Variants in KSR2 observed in about 807,000 individuals in gnomAD.
The protein encoded by KSR2 is kinase suppressor of ras 2.
Under a neutral mutation model 107.8 loss-of-function variants are expected in KSR2, and 25 were observed. The ratio of observed to expected loss-of-function variants is 0.23; its 90% CI spans 0.17 to 0.32. The LOEUF (loss-of-function observed/expected upper bound fraction) is 0.32, where lower values mean the gene tolerates loss of function less well. Among genes scored for constraint, KSR2 ranks in the 10% least tolerant of loss-of-function variants. KSR2 has a pLI of 1.00. For missense variants in KSR2, 887 were observed against 1,268.9 expected, an observed-to-expected ratio of 0.70 and a Z score of 4.57; for synonymous variants, 480 against 507.0, an observed-to-expected ratio of 0.95 and a Z score of 0.71.
At chr12:117,661,619 CCAGCCTGCAGAA>C (rs1427660974) in intron 5 of KSR2, among the ~76,000 whole-genome samples, 2 of 152,132 alleles carry the variant, frequency 1.3e-5, no homozygotes, top group Non-Finnish European at 2.9e-5. Context: ...TTCTGAAATG[CCAGCCTGCAGAA>C]CTCCCTGGAG....
At chr12:117,886,944 G>C (rs937482663) in intron 1 of KSR2, among the ~76,000 whole-genome samples, 1 of 151,972 alleles carries the variant, frequency 6.6e-6, no homozygotes, top group Non-Finnish European at 1.5e-5. Flanking sequence ...ATTTTTTTGA[G>C]ACAGAGTCTT....
At chr12:117,755,657 A>G (rs1888764251) in intron 4 of KSR2, among the ~76,000 whole-genome samples, 1 of 152,230 alleles carries the variant, frequency 6.6e-6, no homozygotes, top group African/African-American at 2.4e-5. Context: ...ACCCAACAAT[A>G]GCCTCTAAGC....
intron 9 of KSR2, among the ~76,000 whole-genome samples, chr12:117,544,293 G>A (rs931669264): frequency 6.6e-6 from 1 of 152,018 alleles, no homozygotes; most frequent in Non-Finnish European, 1.5e-5. Flanking sequence ...TCTAATTTAG[G>A]TTTCCATATG....
At chr12:117,685,627 A>T (rs937583078) in intron 4 of KSR2, among the ~76,000 whole-genome samples, 19 of 152,216 alleles carry the variant, frequency 1.2e-4, no homozygotes, top group African/African-American at 4.6e-4. Flanking sequence ...ACAGGGAGTC[A>T]TTTGACTCAC....
At chr12:117,601,974 G>A (rs1017856551) in intron 5 of KSR2, among the ~76,000 whole-genome samples, 2 of 152,146 alleles carry the variant, frequency 1.3e-5, no homozygotes, top group African/African-American at 2.4e-5. Context: ...TACAGTCTCC[G>A]TCCCAACTAT....
In KSR2 at chr12:117,842,034, T is replaced by C. The variant is rs1439902201; in HGVS notation, c.472+13394A>G. Among the ~76,000 whole-genome samples, 1 of 152,168 alleles carries C rather than the reference T, an allele frequency of 6.6e-6. No homozygotes were observed. The highest frequency in any genetic ancestry group is 2.1e-4 in the South Asian group (1 of 4,816). On this transcript the variant is annotated intron_variant, in intron 3 of 19. Coordinates refer to ENST00000339824, the MANE Select transcript of KSR2 (RefSeq NM_173598.6). The surrounding 1 kb of genome is among the most constrained non-coding windows in gnomAD (Gnocchi z 4.2). ...TGCAGGGAGAATTCCAACACAGGGGTTCTCAAAGCGTGTTCCCCAAACCAG... is the reference window on the plus strand; with the variant it reads ...TGCAGGGAGAATTCCAACACAGGGGCTCTCAAAGCGTGTTCCCCAAACCAG...
chr12:117,812,842 CA>C (rs3073170), intron 3 of KSR2, among the ~76,000 whole-genome samples: 12,804 of 95,852 alleles, frequency 0.13, 759 homozygotes, highest in African/African-American at 0.16. Context: ...CCCAAATAGC[CA>C]AAAAAAAAAA....
intron 4 of KSR2, among the ~76,000 whole-genome samples, chr12:117,745,213 T>C (rs1349592747): frequency 6.6e-6 from 1 of 152,150 alleles, no homozygotes. Flanking sequence ...TCAGTGTAAA[T>C]GAACTTGGAC....
At chr12:117,944,508 A>T (rs1339986002) in intron 1 of KSR2, among the ~76,000 whole-genome samples, 6 of 152,108 alleles carry the variant, frequency 3.9e-5, no homozygotes, top group Non-Finnish European at 5.9e-5. Flanking sequence ...GTACAGTTTA[A>T]ATGGTTAAAA....
At chr12:117,517,624 C>T (rs1874460123) in intron 14 of KSR2, 2 of 346,566 alleles carry the variant, frequency 5.8e-6, no homozygotes, top group Non-Finnish European at 1.1e-5. Flanking sequence ...GATAATGATG[C>T]TGTACATTTA....
chr12:117,940,327 T>C (rs1045858072), intron 1 of KSR2, among the ~76,000 whole-genome samples: 1 of 152,226 alleles, frequency 6.6e-6, no homozygotes, highest in Non-Finnish European at 1.5e-5. Flanking sequence ...ACTCTCTGTT[T>C]TGTAGGTATC....
In KSR2 at chr12:117,896,458, ATT is replaced by A. The variant is rs1159176481; in HGVS notation, c.181-36029_181-36028del. On this transcript the variant is annotated intron_variant, in intron 1 of 19. Coordinates refer to ENST00000339824, the MANE Select transcript of KSR2 (RefSeq NM_173598.6). ...AGAATTAGTGGTGGTTTCGCACAAC[ATT>A]TTTTTTTTTTTTTTTTGAGACGGAG... Among the ~76,000 whole-genome samples the A allele has an allele frequency of 1.1e-3, 148 of 135,592 alleles. No individual in the cohort carries two copies. The Middle Eastern group carries it at 0.015, about 14-fold the overall frequency. The allele number at this position is 135,592 out of a possible 152,430, so 89.0% of individuals were successfully genotyped here. A position where few individuals can be genotyped will look rare whatever the true frequency, so the allele number is the denominator to read the frequency against.
At chr12:117,964,217 G>A (rs958884886) in intron 1 of KSR2, among the ~76,000 whole-genome samples, 2 of 152,202 alleles carry the variant, frequency 1.3e-5, no homozygotes, top group Admixed American at 1.3e-4. Context: ...GGCAGAGTGA[G>A]CTGAGATTGC....
intron 1 of KSR2, among the ~76,000 whole-genome samples, chr12:117,883,808 G>A (rs1459833219): frequency 4.1e-5 from 6 of 146,278 alleles, no homozygotes; most frequent in East Asian, 2.0e-4. Context: ...CCTGTGAGGC[G>A]AAGGTGGCAG....
intron 5 of KSR2, among the ~76,000 whole-genome samples, chr12:117,595,070 G>A (rs1228971429): frequency 6.6e-6 from 1 of 152,152 alleles, no homozygotes; most frequent in African/African-American, 2.4e-5. Flanking sequence ...CATGAAAGGA[G>A]AGGCAGAGCT....
chr12:117,488,469 T>A (rs1872587159), intron 14 of KSR2, among the ~76,000 whole-genome samples: 1 of 152,144 alleles, frequency 6.6e-6, no homozygotes, highest in Non-Finnish European at 1.5e-5. Flanking sequence ...GTGATGGTAT[T>A]AGGAGGTGAG....
At chr12:117,883,963 G>A (rs1266833356) in intron 1 of KSR2, among the ~76,000 whole-genome samples, 3 of 151,888 alleles carry the variant, frequency 2.0e-5, no homozygotes, top group Admixed American at 2.0e-4. Flanking sequence ...ACGGAAAGCA[G>A]GTGAATTTCA....
intron 5 of KSR2, among the ~76,000 whole-genome samples, chr12:117,628,337 A>G (rs1272468676): frequency 6.6e-6 from 1 of 152,154 alleles, no homozygotes; most frequent in East Asian, 1.9e-4. Context: ...TTGTGGTTTT[A>G]TCTACCTTTG....
intron 5 of KSR2, among the ~76,000 whole-genome samples, chr12:117,654,000 A>G (rs61456812): frequency 0.05 from 7,661 of 152,234 alleles, 360 homozygotes; most frequent in East Asian, 0.16. Flanking sequence ...CCATAGGTGA[A>G]TCACAGCAGA....
Sources: allele counts gnomAD v4.1 joint callset (sites outside exome capture counted in the v4.1 genomes callset), GRCh38; gene constraint gnomAD v4.1.1; non-coding constraint Gnocchi (gnomAD v3.1); transcripts MANE v1.5; gene names NCBI Gene and HGNC (gene_info 2026-07-23, HGNC 2026-07-21).